PBRM1: variants seen among roughly 807,000 people sequenced by gnomAD.
PBRM1 encodes polybromo 1.
PBRM1 carries 27 observed loss-of-function variants against 194.5 expected under a neutral mutation model. That is an observed-to-expected ratio of 0.14 (90% CI 0.10 to 0.19). PBRM1 has a LOEUF of 0.19. PBRM1 is among the 10% of genes least tolerant of loss of function. The pLI, the probability that PBRM1 is intolerant of heterozygous loss-of-function variation, is 1.00. For missense variants in PBRM1, 1,466 were observed against 2,077.2 expected (o/e 0.71, Z 5.72); for synonymous variants, 655 against 693.2 (o/e 0.94, Z 0.87).
chr3:52,561,522 AAATATTTTGGAGAAATTTGCAG>A (rs1435685098), intron 25 of PBRM1, among the ~76,000 whole-genome samples: 6 of 152,226 alleles, frequency 3.9e-5, no homozygotes, highest in Non-Finnish European at 7.3e-5. Context: ...TTTAGTAGCA[AAATATTTTGGAGAAATTTGCAG>A]GGGAAAATAC....
chr3:52,617,840 T>C (rs746825007), intron 13 of PBRM1, among the ~76,000 whole-genome samples: 10 of 152,132 alleles, frequency 6.6e-5, no homozygotes, highest in Non-Finnish European at 1.3e-4. Context: ...CAAAAGAAAA[T>C]GAAATTATAT....
intron 17 of PBRM1, among the ~76,000 whole-genome samples, chr3:52,592,954 C>G (rs1214275175): frequency 1.3e-5 from 2 of 152,174 alleles, no homozygotes; most frequent in Admixed American, 1.3e-4. Context: ...TAGAGGTGTT[C>G]ATAGTAGTAT....
intron 21 of PBRM1, among the ~76,000 whole-genome samples, chr3:52,576,943 G>T (rs975315730): frequency 6.6e-6 from 1 of 152,104 alleles, no homozygotes; most frequent in Non-Finnish European, 1.5e-5. Context: ...TTAATATCAA[G>T]GCACAAAACT....
In PBRM1 at chr3:52,605,870, T is replaced by C. The variant is rs189022167; in HGVS notation, c.2568-2138A>G. On this transcript the variant is annotated intron_variant, in intron 16 of 29. Coordinates refer to ENST00000296302, the Ensembl canonical transcript of PBRM1. Reference sequence around the variant, plus strand: ...CGCCCGCCGTGGCCTCCCAAAGTGCTGGGATTACAGGTGTGAGCCACTGTG... The same window carrying C: ...CGCCCGCCGTGGCCTCCCAAAGTGCCGGGATTACAGGTGTGAGCCACTGTG... Among the ~76,000 whole-genome samples the C allele has an allele frequency of 1.2e-4, 18 of 152,284 alleles. No homozygotes were observed. The East Asian group carries it at 3.3e-3, about 28-fold the overall frequency.
At chr3:52,669,288 T>C (rs1326713350) in intron 2 of PBRM1, among the ~76,000 whole-genome samples, 2 of 152,180 alleles carry the variant, frequency 1.3e-5, no homozygotes, top group Non-Finnish European at 2.9e-5. Context: ...TTAGTGGTTA[T>C]ACCTTGCAGG....
rs759310455 is a variant in PBRM1 at position 52,624,968 on chromosome 3, T to C, written c.1541+2305A>G. On this transcript the variant is annotated intron_variant, in intron 13 of 29. Coordinates refer to ENST00000296302, the Ensembl canonical transcript of PBRM1. ...TGGGAAAGCAGAAACAAACATTACA[T>C]GTAAAGAGAAACAAAACAAGCAACA... The C allele has an allele frequency of 3.7e-5, 56 of 1,521,124 alleles. No homozygotes were observed. In the Admixed American group the frequency reaches 4.9e-4, roughly 13 times the overall value. The allele number at this position is 1,521,124 out of a possible 1,614,324, so 94.2% of individuals were successfully genotyped here.
intron 17 of PBRM1, among the ~76,000 whole-genome samples, chr3:52,589,759 G>A (rs1393474370): frequency 6.6e-6 from 1 of 151,906 alleles, no homozygotes; most frequent in African/African-American, 2.4e-5. Flanking sequence ...ACTATATCTA[G>A]TATATATACT....
chr3:52,589,302 G>A (rs1395954853), intron 17 of PBRM1, 47 bp from the exon 20 acceptor site: 3 of 1,299,120 alleles, frequency 2.3e-6, no homozygotes, highest in Non-Finnish European at 3.1e-6. Context: ...ACTCACCAAA[G>A]GGATGCTGAA....
chr3:52,651,727 T>A lies in PBRM1; in HGVS notation c.714+15A>T. 1 of 1,480,778 alleles carries A rather than the reference T, an allele frequency of 6.8e-7. No individual in the cohort carries two copies. Among genetic ancestry groups the A allele is most frequent in the Non-Finnish European group, 9.3e-7 (1 of 1,072,332 alleles). 91.7% of individuals were successfully genotyped at this position (1,480,778 alleles called of 1,614,324 possible). On this transcript the variant is annotated intron_variant, in intron 6 of 29. Coordinates refer to ENST00000296302, the Ensembl canonical transcript of PBRM1. ...GCTCTAAACCACAATCATTTACTTA[T>A]GGTCATCTTCATACCTGTATCCTCT...
At chr3:52,646,972 A>G (rs2096311307) in intron 7 of PBRM1, among the ~76,000 whole-genome samples, 1 of 152,188 alleles carries the variant, frequency 6.6e-6, no homozygotes, top group African/African-American at 2.4e-5. Flanking sequence ...TGAAAAGACA[A>G]GAGAATGGGA....
At chr3:52,641,446 C>CAAAA (rs386396638) in intron 10 of PBRM1, among the ~76,000 whole-genome samples, 2 of 69,902 alleles carry the variant, frequency 2.9e-5, no homozygotes, top group South Asian at 6.4e-4. Flanking sequence ...GACTCCATCT[C>CAAAA]AAAAAAAAAA....
At chr3:52,628,192 A>G (rs2095504421) in intron 12 of PBRM1, among the ~76,000 whole-genome samples, 2 of 152,022 alleles carry the variant, frequency 1.3e-5, no homozygotes, top group South Asian at 2.1e-4. Flanking sequence ...CTACTTTAAC[A>G]AAGTCTAGAA....
chr3:52,662,590 G>C (rs1053432200), intron 3 of PBRM1, among the ~76,000 whole-genome samples: 1 of 152,146 alleles, frequency 6.6e-6, no homozygotes, highest in Admixed American at 6.5e-5. Context: ...CACTTTGGGA[G>C]GCCAAGGCAG....
At chr3:52,642,012 T>C (rs752201269) in exon 10 of PBRM1, 1 of 1,601,556 alleles carries the variant, frequency 6.2e-7, no homozygotes, top group Non-Finnish European at 8.6e-7. Flanking sequence ...TTGTAATTGC[T>C]GATAAACGAC....
chr3:52,652,508 G>A (rs1291164226), intron 5 of PBRM1, among the ~76,000 whole-genome samples: 3 of 151,456 alleles, frequency 2.0e-5, no homozygotes, highest in Non-Finnish European at 4.4e-5. Flanking sequence ...CTAACGTGGT[G>A]AAACCCTGTC....
chr3:52,639,867 GC>G (rs1323414173), intron 10 of PBRM1, among the ~76,000 whole-genome samples: 1 of 152,004 alleles, frequency 6.6e-6, no homozygotes, highest in Non-Finnish European at 1.5e-5. Context: ...CAGTGTACCA[GC>G]CTGCATTGTT....
chr3:52,647,440 AAAAAAAAAAAAAAAAAAAT>A (rs2096332129), intron 7 of PBRM1, among the ~76,000 whole-genome samples: 1 of 74,200 alleles, frequency 1.3e-5, no homozygotes, highest in African/African-American at 5.0e-5. Context: ...AAAAAAAAAA[AAAAAAAAAAAAAAAAAAAT>A]ATATATATAT....
At chr3:52,552,488 C>T (rs1204280675) in intron 27 of PBRM1, among the ~76,000 whole-genome samples, 3 of 152,030 alleles carry the variant, frequency 2.0e-5, no homozygotes, top group Non-Finnish European at 4.4e-5. Flanking sequence ...ACCATGTTGC[C>T]CACTGGTCTT....
chr3:52,583,015 T>G (rs1204414824), intron 20 of PBRM1, among the ~76,000 whole-genome samples: 1 of 141,708 alleles, frequency 7.1e-6, no homozygotes, highest in Non-Finnish European at 1.5e-5. Context: ...GAGAATGGTG[T>G]GAACCCCGAA....
Sources: gnomAD v4.1 joint callset for allele counts (sites outside exome capture counted in the v4.1 genomes callset) on GRCh38, gnomAD v4.1.1 for gene constraint, MANE v1.5 for transcripts, NCBI Gene and HGNC (gene_info 2026-07-23, HGNC 2026-07-21) for gene names.